DDHD1: variants seen among roughly 807,000 people sequenced by gnomAD.
The protein encoded by DDHD1 is phospholipase DDHD1.
A neutral mutation model predicts 96.4 loss-of-function variants in DDHD1; 49 were observed. The ratio of observed to expected loss-of-function variants is 0.51; its 90% CI spans 0.40 to 0.64. DDHD1 has a LOEUF of 0.64. DDHD1 is among the 30% of genes least tolerant of loss of function. DDHD1 has a pLI of 0.00. For synonymous variants in DDHD1, 442 were observed against 446.5 expected, an observed-to-expected ratio of 0.99 and a Z score of 0.13; for missense variants, 1,106 against 1,161.2, an observed-to-expected ratio of 0.95 and a Z score of 0.69.
chr14:53,140,951 A>C (rs1890602080), intron 1 of DDHD1, among the ~76,000 whole-genome samples: 1 of 152,236 alleles, frequency 6.6e-6, no homozygotes, highest in Non-Finnish European at 1.5e-5. Flanking sequence ...CTTCAACAAA[A>C]GAAACATTAC....
At chr14:53,149,099 T>C (rs1221307760) in intron 1 of DDHD1, among the ~76,000 whole-genome samples, 1 of 151,908 alleles carries the variant, frequency 6.6e-6, no homozygotes, top group Non-Finnish European at 1.5e-5. Flanking sequence ...TGTAATAATA[T>C]TGCTCCTCAT....
At chr14:53,077,876 A>C (rs1329605154) in intron 4 of DDHD1, among the ~76,000 whole-genome samples, 2 of 152,110 alleles carry the variant, frequency 1.3e-5, no homozygotes, top group African/African-American at 4.8e-5. Flanking sequence ...TCATATAATC[A>C]TACAATATGG....
At chr14:53,134,439 G>T (rs1034999688) in intron 1 of DDHD1, among the ~76,000 whole-genome samples, 3 of 151,442 alleles carry the variant, frequency 2.0e-5, no homozygotes, top group Non-Finnish European at 2.9e-5. Flanking sequence ...TTTCATTCTC[G>T]TCTTATGCCA....
At chr14:53,114,372 G>A (rs1595201135) in intron 1 of DDHD1, among the ~76,000 whole-genome samples, 2 of 152,324 alleles carry the variant, frequency 1.3e-5, no homozygotes, top group East Asian at 3.9e-4. Flanking sequence ...TCCCAGTACA[G>A]TGCACCAGCT....
chr14:53,152,356 A>G lies in DDHD1; in HGVS notation c.743T>C (p.Met248Thr), dbSNP rs759392241. The G allele has an allele frequency of 1.9e-6, 3 of 1,613,594 alleles. No individual in the cohort carries two copies. The highest frequency in any genetic ancestry group is 1.3e-5 in the African/African-American group (1 of 74,858). ...CQSTTGHEPE[M>T]VELVNIEPVC... is the part of the protein sequence containing the mutation. ...AGGCTCGATGTTCACAAGCTCCACC[A>G]TCTCCGGCTCGTGCCCCGTCGTACT... The change falls in exon 1 of 13, where the codon ATG becomes ACG. Residue 248 changes from methionine (M) to threonine (T), a missense_variant. Physicochemically the swap from Met to Thr is moderately conservative, Grantham distance 81. Coordinates refer to ENST00000673822, the MANE Select transcript of DDHD1 (RefSeq NM_001160148.2).
intron 1 of DDHD1, among the ~76,000 whole-genome samples, chr14:53,137,353 AGGCT>A (rs1566600582): frequency 6.6e-6 from 1 of 152,238 alleles, no homozygotes; most frequent in Non-Finnish European, 1.5e-5. Flanking sequence ...ACACTCTGGG[AGGCT>A]GAGGCAGGTG....
Position 53,046,873 on chromosome 14 carries a change from C to A in DDHD1, c.2598G>T (p.Ser866=). The A allele has an allele frequency of 6.2e-7, 1 of 1,613,586 alleles. No homozygotes were observed. The highest frequency in any genetic ancestry group is 1.1e-5 in the South Asian group (1 of 91,014). ...VESRYWSAVT[S]HTAYWSSLDV... is the part of the protein sequence containing the mutation. ...CCAAGGATGACCAATAGGCAGTATG[C>A]GACGTGACAGCTGACCAATAGCGGC... Residue 866 remains serine, a synonymous_variant, in exon 13 of 13, where the codon TCG becomes TCT. Coordinates refer to ENST00000673822, the MANE Select transcript of DDHD1 (RefSeq NM_001160148.2).
rs764869346 is a variant in DDHD1, at chr14:53,055,711, G to A, written c.2194C>T (p.Arg732Cys). Residue 732 changes from arginine (R) to cysteine (C), a missense_variant, in exon 10 of 13, where the codon CGC becomes TGC. Around this residue, in one of 2 missense-constraint regions of DDHD1, gnomAD observed 650 missense variants for 758.8 expected, o/e 0.86. Transcript: ENST00000673822. ...PSPVTSPVLS[R>C]RHYGESITNI... The stretch of plus-strand genomic sequence containing the variant: ...GTTATAGATTCTCCATAGTGTCGGC[G>A]GGACAAAACTGGTGAGGTCACAGGG... 3.7e-6 allele frequency: 6 copies of A among 1,613,824 alleles called. No individual in the cohort carries two copies. Among genetic ancestry groups the A allele is most frequent in the East Asian group, 4.5e-5 (2 of 44,888 alleles).
chr14:53,139,110 C>T (rs1890454129), intron 1 of DDHD1, among the ~76,000 whole-genome samples: 1 of 149,962 alleles, frequency 6.7e-6, no homozygotes, highest in Middle Eastern at 3.2e-3. Context: ...CACCCACACC[C>T]ACACCCACAA....
chr14:53,060,477 A>T (rs1349426593), intron 8 of DDHD1, among the ~76,000 whole-genome samples: 1 of 152,182 alleles, frequency 6.6e-6, no homozygotes, highest in Non-Finnish European at 1.5e-5. Context: ...TTGCTCACAC[A>T]GCTCCAAGCT....
rs1205365821 is a variant in DDHD1, at chr14:53,045,057, C to T, written c.*1711G>A. On this transcript the variant is annotated 3_prime_UTR_variant, in exon 13 of 13. Coordinates refer to ENST00000673822, the MANE Select transcript of DDHD1 (RefSeq NM_001160148.2). ...GGTAACTCCTCTTTTGTGTGAGAAT[C>T]CAAGAACATAGAAATCAAGCAGGGA... 1 of 152,140 alleles carries T rather than the reference C, an allele frequency of 6.6e-6. No individual in the cohort carries two copies. Among genetic ancestry groups the T allele is most frequent in the African/African-American group, 2.4e-5 (1 of 41,416 alleles). The allele number at this position is 152,140 out of a possible 1,614,324, so 9.4% of individuals were successfully genotyped here.
chr14:53,052,223 TTA>T (rs141130180), intron 11 of DDHD1, among the ~76,000 whole-genome samples: 21,509 of 151,926 alleles, frequency 0.14, 1,858 homozygotes, highest in East Asian at 0.33. Context: ...GATCTTTGCA[TTA>T]TATGTTAGAA....
At chr14:53,089,128 AAGG>A (rs1248307825) in intron 4 of DDHD1, among the ~76,000 whole-genome samples, 1 of 152,260 alleles carries the variant, frequency 6.6e-6, no homozygotes, top group Non-Finnish European at 1.5e-5. Context: ...GGACCTCTTC[AAGG>A]AGAACTACAA....
intron 1 of DDHD1, among the ~76,000 whole-genome samples, chr14:53,131,482 A>C (rs1889861950): frequency 6.6e-6 from 1 of 152,080 alleles, no homozygotes; most frequent in African/African-American, 2.4e-5. Context: ...TGCCAAACCC[A>C]TATACTTTCC....
intron 6 of DDHD1, among the ~76,000 whole-genome samples, chr14:53,071,085 T>C (rs938124319): frequency 6.6e-6 from 1 of 152,152 alleles, no homozygotes; most frequent in Admixed American, 6.6e-5. Context: ...CATGTTAATA[T>C]AAGCATTACC....
intron 10 of DDHD1, among the ~76,000 whole-genome samples, chr14:53,055,426 C>T (rs965474629): frequency 2.0e-5 from 3 of 152,176 alleles, no homozygotes; most frequent in Admixed American, 1.3e-4. Context: ...ATTCTCATAA[C>T]AGCTTTTTCT....
rs376884109 is a variant in DDHD1 at position 53,103,019 on chromosome 14, A to G, written c.1012+664T>C. 5 of 1,565,074 alleles carry G rather than the reference A, an allele frequency of 3.2e-6. No homozygotes were observed. In the African/African-American group the frequency reaches 4.1e-5, roughly 13 times the overall value. On this transcript the variant is annotated intron_variant, in intron 2 of 12. Transcript: ENST00000673822. ...TCTACAAATTCTAATCTACCTGTACAGTTATACTCACCAGAATAGTTGATC... is the reference window on the plus strand; with the variant it reads ...TCTACAAATTCTAATCTACCTGTACGGTTATACTCACCAGAATAGTTGATC...
intron 4 of DDHD1, among the ~76,000 whole-genome samples, chr14:53,078,781 C>T (rs1019540017): frequency 3.3e-5 from 5 of 152,088 alleles, no homozygotes; most frequent in African/African-American, 7.2e-5. Flanking sequence ...TGTCTTGTTC[C>T]TGATCTCAAG....
intron 5 of DDHD1, among the ~76,000 whole-genome samples, chr14:53,073,105 A>G (rs138796179): frequency 7.2e-5 from 11 of 152,178 alleles, no homozygotes; most frequent in African/African-American, 2.4e-4. Flanking sequence ...CATTTTGCAG[A>G]TTATGTAAAT....
Sources: gnomAD v4.1 joint callset for allele counts (sites outside exome capture counted in the v4.1 genomes callset) on GRCh38, gnomAD v4.1.1 for gene constraint, gnomAD v4.1.1 regional missense constraint, MANE v1.5 for transcripts, NCBI Gene and HGNC (gene_info 2026-07-23, HGNC 2026-07-21) for gene names.